Variants in TCF12 observed in about 807,000 individuals in gnomAD.
The protein encoded by TCF12 is transcription factor 12.
In TCF12, 45 loss-of-function variants were observed where a neutral mutation model predicts 86.0. That is an observed-to-expected ratio of 0.52 (90% CI 0.41 to 0.67). The LOEUF (loss-of-function observed/expected upper bound fraction) is 0.67, where lower values mean the gene tolerates loss of function less well. TCF12 is among the 30% of genes least tolerant of loss of function. The pLI is 0.00. For synonymous variants in TCF12, 330 were observed against 299.6 expected (o/e 1.10, Z -1.05); for missense variants, 881 against 859.9 (o/e 1.02, Z -0.31).
At chr15:56,951,856 C>T (rs1253347629) in intron 3 of TCF12, among the ~76,000 whole-genome samples, 1 of 152,116 alleles carries the variant, frequency 6.6e-6, no homozygotes, top group African/African-American at 2.4e-5. Flanking sequence ...CCATGTTGCC[C>T]AGACTGGTCT....
At chr15:57,275,193 A>G (rs963871239) in intron 19 of TCF12, among the ~76,000 whole-genome samples, 1 of 152,194 alleles carries the variant, frequency 6.6e-6, no homozygotes, top group African/African-American at 2.4e-5. Flanking sequence ...ACAGATTTCA[A>G]ATACACTGAA....
chr15:56,983,617 A>T (rs557545329), intron 3 of TCF12, among the ~76,000 whole-genome samples: 76 of 152,252 alleles, frequency 5.0e-4, no homozygotes, highest in African/African-American at 1.8e-3. Context: ...TGAATTGAAA[A>T]ATACTAATAT....
At chr15:56,935,391 G>T (rs1260912133) in intron 3 of TCF12, among the ~76,000 whole-genome samples, 3 of 152,184 alleles carry the variant, frequency 2.0e-5, no homozygotes, top group Non-Finnish European at 1.5e-5. Context: ...CTTGCAGAGG[G>T]ATACCTTCTC....
intron 6 of TCF12, 83 bp downstream of exon 6, chr15:57,166,549 A>T: frequency 8.3e-7 from 1 of 1,209,098 alleles, no homozygotes; most frequent in Non-Finnish European, 1.2e-6. Flanking sequence ...GATAGAAATT[A>T]TCCAATTTAT....
intron 3 of TCF12, among the ~76,000 whole-genome samples, chr15:57,052,095 T>C (rs2067670275): frequency 6.6e-6 from 1 of 152,178 alleles, no homozygotes; most frequent in Admixed American, 6.5e-5. Context: ...ATTATGAGAG[T>C]TCAGAATTTA....
intron 13 of TCF12, among the ~76,000 whole-genome samples, chr15:57,245,703 CCTT>C (rs1276641165): frequency 6.6e-6 from 1 of 152,170 alleles, no homozygotes; most frequent in Non-Finnish European, 1.5e-5. Context: ...TACATTTCCT[CCTT>C]CATCTTTATT....
At chr15:57,263,378 A>T (rs2060681530) in intron 18 of TCF12, 104 bp downstream of exon 18, 1 of 1,211,560 alleles carries the variant, frequency 8.3e-7, no homozygotes, top group South Asian at 1.4e-5. Flanking sequence ...TATGTTCTAG[A>T]TATTGTGTTA....
intron 16 of TCF12, among the ~76,000 whole-genome samples, chr15:57,254,517 T>C (rs1566993687): frequency 6.6e-6 from 1 of 152,136 alleles, no homozygotes; most frequent in Non-Finnish European, 1.5e-5. Context: ...AAGTACTTTT[T>C]ATTGCTATTG....
Position 56,984,014 on chromosome 15 carries a change from A to AAAAAAAAAAAAAAAAAAAAAAAG in TCF12, c.148+62918_148+62919insAAAAAAAAAAAAAAAAAAAAGAA, listed in dbSNP as rs777234282. Among the ~76,000 whole-genome samples the AAAAAAAAAAAAAAAAAAAAAAAG allele has an allele frequency of 3.4e-3, 353 of 104,250 alleles. 15 individuals carry two copies. Among genetic ancestry groups the AAAAAAAAAAAAAAAAAAAAAAAG allele is most frequent in the Admixed American group, 5.3e-3 (45 of 8,472 alleles). 68.4% of individuals were successfully genotyped at this position (104,250 alleles called of 152,430 possible). ...GAGACCCTGTCTCAAAAAAAAAAAAAAAGAAGAAGAAGAATTTTGGATCAA... is the reference window on the plus strand; with the variant it reads ...GAGACCCTGTCTCAAAAAAAAAAAAAAAAAAAAAAAAAAAAAAAAAAAGAAGAAGAAGAAGAATTTTGGATCAA... On this transcript the variant is annotated intron_variant, in intron 3 of 20. Coordinates refer to ENST00000333725, the MANE Select transcript of TCF12 (RefSeq NM_207037.2).
chr15:57,057,847 T>C (rs1309415583), intron 3 of TCF12, among the ~76,000 whole-genome samples: 1 of 152,206 alleles, frequency 6.6e-6, no homozygotes, highest in African/African-American at 2.4e-5. Context: ...GTGTTAAAAA[T>C]AGCATCAACG....
At chr15:57,041,147 A>T (rs1311744463) in intron 3 of TCF12, among the ~76,000 whole-genome samples, 2 of 152,206 alleles carry the variant, frequency 1.3e-5, no homozygotes, top group Non-Finnish European at 2.9e-5. Flanking sequence ...CGAAAAATGC[A>T]TTGGAAGACA....
intron 3 of TCF12, among the ~76,000 whole-genome samples, chr15:56,969,760 G>C (rs1167378925): frequency 6.6e-6 from 1 of 152,122 alleles, no homozygotes; most frequent in African/African-American, 2.4e-5. Context: ...AGAGATGTGA[G>C]TGGGAGTTAT....
At chr15:57,095,305 G>C (rs1353829011) in intron 5 of TCF12, among the ~76,000 whole-genome samples, 1 of 151,960 alleles carries the variant, frequency 6.6e-6, no homozygotes, top group Non-Finnish European at 1.5e-5. Flanking sequence ...TTCCAGCTCT[G>C]GTCCATTTCT....
At chr15:56,967,858 A>G (rs1311266010) in intron 3 of TCF12, among the ~76,000 whole-genome samples, 2 of 152,100 alleles carry the variant, frequency 1.3e-5, no homozygotes, top group African/African-American at 2.4e-5. Context: ...AAAAGTGTGA[A>G]TGTTGTTTTT....
intron 3 of TCF12, among the ~76,000 whole-genome samples, chr15:56,943,609 A>G (rs2060875034): frequency 6.6e-6 from 1 of 152,200 alleles, no homozygotes; most frequent in South Asian, 2.1e-4. Flanking sequence ...TGAGTAACAA[A>G]GCTAGTAAGT....
At position 56,930,962 on chromosome 15, in the gene TCF12, C is replaced by T. The variant is rs570187836; in HGVS notation, c.148+9864C>T. 8.5e-5 allele frequency among the ~76,000 whole-genome samples: 13 copies of T among 152,158 alleles called. No homozygotes were observed. In the South Asian group the frequency reaches 2.3e-3, roughly 27 times the overall value. ...ACATATATACCTATATACTATGTTT[C>T]CTTTCTAAAATCTGAAAAACTGAGT... On this transcript the variant is annotated intron_variant, in intron 3 of 20. Coordinates refer to ENST00000333725, the MANE Select transcript of TCF12 (RefSeq NM_207037.2).
chr15:56,985,757 A>G (rs1183670967), intron 3 of TCF12, among the ~76,000 whole-genome samples: 2 of 152,170 alleles, frequency 1.3e-5, no homozygotes, highest in East Asian at 1.9e-4. Context: ...AAGCTCATGA[A>G]GCCTATTACA....
chr15:57,174,119 A>G (rs2055736443), intron 6 of TCF12, among the ~76,000 whole-genome samples: 1 of 152,226 alleles, frequency 6.6e-6, no homozygotes, highest in Non-Finnish European at 1.5e-5. Context: ...TAGGAAAAAA[A>G]TAATACCAAT....
chr15:57,276,924 C>G (rs969390552), intron 19 of TCF12, among the ~76,000 whole-genome samples: 1 of 151,524 alleles, frequency 6.6e-6, no homozygotes, highest in African/African-American at 2.4e-5. Flanking sequence ...CCTGCCTCTG[C>G]CTCCTCCATA....
Sources: gnomAD v4.1 joint callset for allele counts (sites outside exome capture counted in the v4.1 genomes callset) on GRCh38, gnomAD v4.1.1 for gene constraint, MANE v1.5 for transcripts, NCBI Gene and HGNC (gene_info 2026-07-23, HGNC 2026-07-21) for gene names.